Variants in SNX13 observed in about 807,000 individuals in gnomAD.
SNX13 encodes the protein sorting nexin 13.
In SNX13, 45 loss-of-function variants were observed where a neutral mutation model predicts 133.6. The observed-to-expected ratio is 0.34, with a 90% CI of 0.27 to 0.43. SNX13 has a LOEUF of 0.43. Among genes scored for constraint, SNX13 ranks in the 20% least tolerant of loss-of-function variants. The probability of loss-of-function intolerance (pLI) is 1.00; values close to 1 mark genes in which losing one functional copy is unlikely to be tolerated. For synonymous variants in SNX13, 414 were observed against 373.9 expected (o/e 1.11, Z -1.24); for missense variants, 1,032 against 1,145.1 (o/e 0.90, Z 1.43).
chr7:17,805,250 T>TGTGTGTGTGTGTGTGCGC lies in SNX13; in HGVS notation c.2065-1671_2065-1670insGCGCACACACACACACAC. ...GTGTGTGTGTGTGTGTGTGTGTGTG[T>TGTGTGTGTGTGTGTGCGC]GCGTGCGCGCGCGCGCATGCATGCA... On this transcript the variant is annotated intron_variant, in intron 20 of 25. Coordinates refer to ENST00000428135, the MANE Select transcript of SNX13 (RefSeq NM_015132.5). Among the ~76,000 whole-genome samples the TGTGTGTGTGTGTGTGCGC allele has an allele frequency of 3.7e-3, 350 of 95,552 alleles. 4 individuals are homozygous for TGTGTGTGTGTGTGTGCGC. The highest frequency in any genetic ancestry group is 5.5e-3 in the African/African-American group (176 of 31,834). 62.7% of individuals were successfully genotyped at this position (95,552 alleles called of 152,430 possible). A position where few individuals can be genotyped will look rare whatever the true frequency, so the allele number is the denominator to read the frequency against.
chr7:17,884,265 G>A (rs1183894978), intron 5 of SNX13, among the ~76,000 whole-genome samples: 1 of 152,106 alleles, frequency 6.6e-6, no homozygotes, highest in Non-Finnish European at 1.5e-5. Flanking sequence ...TTTGGATTGT[G>A]GGTCTATGGC....
At position 17,940,288 on chromosome 7, in the gene SNX13, G is replaced by C. The variant is rs746707138; in HGVS notation, c.8C>G (p.Thr3Ser). 1 of 1,564,610 alleles carries C rather than the reference G, an allele frequency of 6.4e-7. No homozygotes were observed. Among genetic ancestry groups the C allele is most frequent in the African/African-American group, 1.4e-5 (1 of 73,568 alleles). ML[T>S]EASLSIWGWG... The stretch of plus-strand genomic sequence containing the variant: ...CTGGCCACCGTCGCCGCTTACCTCA[G>C]TTAACATTATTACACCCCGGGGAAG... The change falls in exon 1 of 26, where the codon ACT (threonine) becomes AGT (serine). Residue 3 changes from threonine (T) to serine (S), a missense_variant. Coordinates refer to ENST00000428135, the MANE Select transcript of SNX13 (RefSeq NM_015132.5).
At chr7:17,879,754 A>G (rs1323169950) in intron 5 of SNX13, 1 of 152,264 alleles carries the variant, frequency 6.6e-6, no homozygotes, top group Non-Finnish European at 1.5e-5. Flanking sequence ...ATTTCTGGAA[A>G]ACGCACTGGA....
At chr7:17,850,753 G>T in intron 10 of SNX13, 73 bp downstream of exon 10, 1 of 1,197,194 alleles carries the variant, frequency 8.4e-7, no homozygotes, top group Non-Finnish European at 1.1e-6. Flanking sequence ...TGACATTTAG[G>T]TAAATTAATC....
At chr7:17,868,137 A>C in intron 9 of SNX13, 1 of 340,820 alleles carries the variant, frequency 2.9e-6, no homozygotes, top group Non-Finnish European at 5.3e-6. Flanking sequence ...TCATCTATAG[A>C]CACAGGTAGT....
intron 23 of SNX13, 46 bp from the exon 24 acceptor site, chr7:17,798,804 G>C (rs769353946): frequency 9.9e-6 from 14 of 1,413,274 alleles, no homozygotes; most frequent in Middle Eastern, 1.8e-4. Flanking sequence ...ATTTTAGAAG[G>C]TGAAAAAAAT....
intron 3 of SNX13, 104 bp from the exon 4 acceptor site, chr7:17,891,739 A>T: frequency 1.5e-6 from 1 of 687,060 alleles, no homozygotes; most frequent in Non-Finnish European, 2.4e-6. Context: ...ATTATCCTCA[A>T]GTAAATAAAT....
chr7:17,799,109 C>G lies in SNX13; in HGVS notation c.2344G>C (p.Glu782Gln). The G allele has an allele frequency of 1.9e-6, 3 of 1,610,332 alleles. No individual in the cohort carries two copies. Among genetic ancestry groups the G allele is most frequent in the Non-Finnish European group, 2.5e-6 (3 of 1,177,724 alleles). The change falls in exon 23 of 26, where the codon GAA (glutamate) becomes CAA (glutamine). Residue 782 changes from glutamate (E) to glutamine (Q), a missense_variant. Transcript: ENST00000428135. ...TTTCTTTCTTTTAAGTCGAATACTT[C>G]ATCCATGAGAAGCAGCATTACCCTA... ...PLRVMLLLMD[E>Q]VFDLKERNQW...
chr7:17,901,775 A>C (rs1797864791), intron 1 of SNX13, among the ~76,000 whole-genome samples: 1 of 152,158 alleles, frequency 6.6e-6, no homozygotes, highest in Admixed American at 6.5e-5. Flanking sequence ...AGCTACTGTG[A>C]TCAGTCCCTG....
Position 17,890,469 on chromosome 7 carries a change from A to T in SNX13, c.334T>A (p.Leu112Met), listed in dbSNP as rs774514742. The change falls in exon 5 of 26, where the codon TTG (leucine) becomes ATG (methionine). Residue 112 changes from leucine to methionine, a missense_variant. By Grantham distance (15) the Leu-to-Met change is conservative. Transcript: ENST00000428135. The part of the protein sequence containing the change: ...EPLQQVIQFS[L>M]RDYVQYWYYT... ...TACCAATACTGGACATAATCCCTCA[A>T]GGAAAACTGGATAACCTATAACAAA... is the stretch of plus-strand genomic sequence containing the variant. 14 of 1,582,428 alleles carry T rather than the reference A, an allele frequency of 8.8e-6. No individual in the cohort carries two copies. In the South Asian group the frequency reaches 1.3e-4, roughly 15 times the overall value.
At chr7:17,908,499 C>T (rs189902882) in intron 1 of SNX13, among the ~76,000 whole-genome samples, 1 of 152,234 alleles carries the variant, frequency 6.6e-6, no homozygotes, top group East Asian at 1.9e-4. Flanking sequence ...TTGTTATCTC[C>T]CATGAAGCAA....
chr7:17,798,863 C>G (rs1784332994), intron 23 of SNX13, 105 bp from the exon 24 acceptor site: 1 of 1,217,652 alleles, frequency 8.2e-7, no homozygotes, highest in Admixed American at 2.6e-5. Context: ...GTAAATTATC[C>G]CTGAGAGCAA....
rs1377093430 is a variant in SNX13, at chr7:17,801,607, G to A, written c.2279C>T (p.Ser760Leu). 11 of 1,608,540 alleles carry A rather than the reference G, an allele frequency of 6.8e-6. No homozygotes were observed. The highest frequency in any genetic ancestry group is 4.5e-5 in the East Asian group (2 of 44,772). The change falls in exon 22 of 26, where the codon TCG becomes TTG. Residue 760 changes from serine (S) to leucine (L), a missense_variant. Coordinates refer to ENST00000428135, the MANE Select transcript of SNX13 (RefSeq NM_015132.5). ...TDSDPEHRRV[S>L]AQLDDNVDDN... ...ACTCACATTATCGTCAAGTTGAGCC[G>A]AAACTCGGCGATGTTCAGGGTCTGA...
At chr7:17,802,981 T>C (rs908047861) in intron 21 of SNX13, among the ~76,000 whole-genome samples, 1 of 152,158 alleles carries the variant, frequency 6.6e-6, no homozygotes, top group African/African-American at 2.4e-5. Flanking sequence ...TGATGAACTT[T>C]TCTTCTCTTT....
chr7:17,860,125 T>G (rs1390111004), intron 9 of SNX13, among the ~76,000 whole-genome samples: 1 of 152,168 alleles, frequency 6.6e-6, no homozygotes, highest in Non-Finnish European at 1.5e-5. Context: ...AGAGTTTAAA[T>G]TTTTCCACAT....
In SNX13 at chr7:17,791,269, T is replaced by G. The variant is rs1448982464; in HGVS notation, c.*2776A>C. ...TGTGAAATTTATATCATTCTTAATT[T>G]TTATAAAAATTGGTACACTTTCTGG... is the stretch of plus-strand genomic sequence containing the variant. On this transcript the variant is annotated 3_prime_UTR_variant, in exon 26 of 26. Coordinates refer to ENST00000428135, the MANE Select transcript of SNX13 (RefSeq NM_015132.5). 6.6e-6 allele frequency: 1 copy of G among 151,938 alleles called. No individual in the cohort carries two copies. Among genetic ancestry groups the G allele is most frequent in the Non-Finnish European group, 1.5e-5 (1 of 67,882 alleles). 9.4% of individuals were successfully genotyped at this position (151,938 alleles called of 1,614,324 possible).
chr7:17,861,184 T>G (rs1792626685), intron 9 of SNX13, among the ~76,000 whole-genome samples: 1 of 152,074 alleles, frequency 6.6e-6, no homozygotes, highest in African/African-American at 2.4e-5. Flanking sequence ...CACAGATATT[T>G]TTATTCCTGA....
chr7:17,815,063 T>A, intron 19 of SNX13, 119 bp from the exon 20 acceptor site: 1 of 1,140,306 alleles, frequency 8.8e-7, no homozygotes, highest in Non-Finnish European at 1.1e-6. Flanking sequence ...AATATTGATT[T>A]ATATTTTTAA....
At chr7:17,815,003 T>C in intron 19 of SNX13, 59 bp from the exon 20 acceptor site, 1 of 1,343,436 alleles carries the variant, frequency 7.4e-7, no homozygotes, top group Non-Finnish European at 9.6e-7. Flanking sequence ...TGCTAGAAAT[T>C]ACCATTGTTT....
Sources: allele counts gnomAD v4.1 joint callset (sites outside exome capture counted in the v4.1 genomes callset), GRCh38; gene constraint gnomAD v4.1.1; transcripts MANE v1.5; gene names NCBI Gene and HGNC (gene_info 2026-07-23, HGNC 2026-07-21).